The following ANKS1B variants were observed in gnomAD, a reference collection of about 807,000 sequenced individuals.
ANKS1B encodes ankyrin repeat and sterile alpha motif domain containing 1B, also known as ankyrin repeat and sterile alpha motif domain-containing protein 1B.
ANKS1B carries 36 observed loss-of-function variants against 148.3 expected under a neutral mutation model. The observed-to-expected ratio is 0.24, with a 90% CI of 0.19 to 0.32. The LOEUF (loss-of-function observed/expected upper bound fraction) is 0.32, where lower values mean the gene tolerates loss of function less well. Among genes scored for constraint, ANKS1B ranks in the 10% least tolerant of loss-of-function variants. The probability of loss-of-function intolerance (pLI) is 1.00; values close to 1 mark genes in which losing one functional copy is unlikely to be tolerated. For synonymous variants in ANKS1B, 542 were observed against 560.8 expected (o/e 0.97, Z 0.47); for missense variants, 1,157 against 1,542.6 (o/e 0.75, Z 4.19).
Position 99,984,855 on chromosome 12 carries a change from C to T in ANKS1B, c.-618G>A, listed in dbSNP as rs1366883487. On this transcript the variant is annotated 5_prime_UTR_variant, in exon 1 of 27. Coordinates refer to ENST00000683438, the MANE Select transcript of ANKS1B (RefSeq NM_001352186.2). The stretch of plus-strand genomic sequence containing the variant: ...AGCGGGCGCGTGCCGAGGGCGGCGG[C>T]GGCGGCGAGGCCTGGCGCGCGGGGG... 6.8e-6 allele frequency among the ~76,000 whole-genome samples: 1 copy of T among 146,700 alleles called. No individual in the cohort carries two copies.
At chr12:99,306,306 G>A (rs1473617238) in intron 12 of ANKS1B, among the ~76,000 whole-genome samples, 2 of 152,080 alleles carry the variant, frequency 1.3e-5, no homozygotes, top group East Asian at 1.9e-4. Context: ...CCATTCCTGG[G>A]TCTCTAGACC....
intron 12 of ANKS1B, among the ~76,000 whole-genome samples, chr12:99,370,232 C>T (rs1258921711): frequency 6.6e-6 from 1 of 152,008 alleles, no homozygotes; most frequent in Non-Finnish European, 1.5e-5. Flanking sequence ...GTGCTAACAA[C>T]AAAGTTGATT....
intron 9 of ANKS1B, among the ~76,000 whole-genome samples, chr12:99,613,382 A>G (rs2097918372): frequency 6.6e-6 from 1 of 152,134 alleles, no homozygotes; most frequent in Admixed American, 6.6e-5. Flanking sequence ...AAATTGTTCC[A>G]TTATAAAATA....
intron 1 of ANKS1B, among the ~76,000 whole-genome samples, chr12:99,958,923 T>C (rs576065341): frequency 6.6e-6 from 1 of 152,064 alleles, no homozygotes; most frequent in Non-Finnish European, 1.5e-5. Context: ...ATTTCATACC[T>C]CCATTGAGGA....
chr12:99,773,847 A>G (rs897013052), intron 7 of ANKS1B, among the ~76,000 whole-genome samples: 1 of 152,108 alleles, frequency 6.6e-6, no homozygotes, highest in African/African-American at 2.4e-5. Context: ...TGCCTGTACC[A>G]TACTGTTTTG....
chr12:99,855,808 T>A (rs2088929605), intron 1 of ANKS1B, among the ~76,000 whole-genome samples: 1 of 152,154 alleles, frequency 6.6e-6, no homozygotes, highest in African/African-American at 2.4e-5. Flanking sequence ...TGCTCCTGAA[T>A]GATCATTGTG....
At chr12:98,908,963 G>A (rs1425556043) in intron 17 of ANKS1B, among the ~76,000 whole-genome samples, 1 of 152,186 alleles carries the variant, frequency 6.6e-6, no homozygotes, top group Non-Finnish European at 1.5e-5. Flanking sequence ...GCTTTTGTGT[G>A]TGATTAGATA....
At chr12:99,755,117 GAAGAA>G (rs1175425579) in intron 8 of ANKS1B, among the ~76,000 whole-genome samples, 2 of 151,474 alleles carry the variant, frequency 1.3e-5, no homozygotes, top group African/African-American at 4.8e-5. Context: ...AGCTAATAAA[GAAGAA>G]AAGAGGGAAG....
chr12:98,781,056 T>C, intron 24 of ANKS1B, 61 bp downstream of exon 24: 5 of 1,084,482 alleles, frequency 4.6e-6, no homozygotes, highest in Non-Finnish European at 6.7e-6. Flanking sequence ...AGCAAAGGAT[T>C]TTAGATCATA....
chr12:99,734,557 G>A lies in ANKS1B; in HGVS notation c.1128+38365C>T, dbSNP rs573286541. On this transcript the variant is annotated intron_variant, in intron 8 of 26. Transcript: ENST00000683438. ...GATCCGCCCGCCTCAGCCTCCCAAA[G>A]TGCTGGGATTACAAGCATGAGCCAC... Among the ~76,000 whole-genome samples the A allele has an allele frequency of 7.2e-5, 11 of 152,182 alleles. No individual in the cohort carries two copies. The South Asian group carries it at 1.9e-3, about 26-fold the overall frequency.
At chr12:99,106,243 A>G (rs932373903) in intron 15 of ANKS1B, among the ~76,000 whole-genome samples, 2 of 152,230 alleles carry the variant, frequency 1.3e-5, no homozygotes. Flanking sequence ...CTTCGCAACC[A>G]CAGTCTACTT....
chr12:98,774,145 T>G (rs149927585), intron 24 of ANKS1B, among the ~76,000 whole-genome samples: 1 of 152,174 alleles, frequency 6.6e-6, no homozygotes, highest in African/African-American at 2.4e-5. Flanking sequence ...CCTAACTACA[T>G]CCACTGTGTA....
At chr12:99,519,239 T>C (rs1179299912) in intron 9 of ANKS1B, among the ~76,000 whole-genome samples, 1 of 152,140 alleles carries the variant, frequency 6.6e-6, no homozygotes, top group African/African-American at 2.4e-5. Flanking sequence ...TAAGTGAATT[T>C]GATGTATAGT....
chr12:99,221,855 G>A (rs1445459365), intron 14 of ANKS1B, among the ~76,000 whole-genome samples: 2 of 152,126 alleles, frequency 1.3e-5, no homozygotes, highest in Non-Finnish European at 2.9e-5. Context: ...CATATGTGAT[G>A]TATAAATAAG....
intron 1 of ANKS1B, among the ~76,000 whole-genome samples, chr12:99,833,090 C>G (rs1246526733): frequency 1.3e-5 from 2 of 151,972 alleles, no homozygotes; most frequent in Non-Finnish European, 1.5e-5. Context: ...AAAATACATG[C>G]AAAAATACAT....
intron 17 of ANKS1B, among the ~76,000 whole-genome samples, chr12:98,984,059 G>A (rs754443758): frequency 2.0e-5 from 3 of 152,142 alleles, no homozygotes; most frequent in Admixed American, 6.5e-5. Context: ...GATCTCCTGT[G>A]GATATCACAG....
At chr12:99,887,359 A>C (rs576562106) in intron 1 of ANKS1B, among the ~76,000 whole-genome samples, 1 of 152,366 alleles carries the variant, frequency 6.6e-6, no homozygotes, top group South Asian at 2.1e-4. Flanking sequence ...GTTTATACTG[A>C]ATACATGTTG....
rs575662242 is a variant in ANKS1B, at chr12:99,071,495, A to G, written c.2625+13430T>C. Among the ~76,000 whole-genome samples, 16 of 152,288 alleles carry G rather than the reference A, an allele frequency of 1.1e-4. No homozygotes were observed. The South Asian group carries it at 2.5e-3, about 24-fold the overall frequency. ...AAATCACAATGCCTTTAGCAACTAA[A>G]TGGAACTACACTGTCAAGATCTGAC... On this transcript the variant is annotated intron_variant, in intron 16 of 26. Coordinates refer to ENST00000683438, the MANE Select transcript of ANKS1B (RefSeq NM_001352186.2).
chr12:99,019,604 C>T (rs948718652), intron 17 of ANKS1B, among the ~76,000 whole-genome samples: 5 of 152,140 alleles, frequency 3.3e-5, no homozygotes, highest in Admixed American at 6.5e-5. Flanking sequence ...TTGGCTACAA[C>T]ATCAAGTCAT....
Sources: allele counts gnomAD v4.1 joint callset (sites outside exome capture counted in the v4.1 genomes callset), GRCh38; gene constraint gnomAD v4.1.1; transcripts MANE v1.5; gene names NCBI Gene and HGNC (gene_info 2026-07-23, HGNC 2026-07-21).